The following ZNF471 variants were observed in gnomAD, a reference collection of about 807,000 sequenced individuals.
ZNF471 encodes zinc finger protein 471.
In ZNF471, 7 loss-of-function variants were observed where a neutral mutation model predicts 13.7. That is an observed-to-expected ratio of 0.51 (90% confidence interval 0.29 to 0.96). ZNF471 has a LOEUF of 0.96. Ranked by LOEUF, ZNF471 falls within the 40% of genes least tolerant of loss-of-function variation. ZNF471 has a pLI of 0.08. For missense variants in ZNF471, 663 were observed against 743.3 expected (o/e 0.89, Z 1.26); for synonymous variants, 218 against 235.6 (o/e 0.93, Z 0.68).
In ZNF471 at chr19:56,529,886, T is replaced by TAA. The variant is rs976475224; in HGVS notation, c.*3939_*3940insAA. ...GCCATTTTAGAGGGCAATGTGGTGT[T>TAA]ACCTGTCAGCATTTTGAATATAATT... On this transcript the variant is annotated 3_prime_UTR_variant, in exon 5 of 5. Transcript: ENST00000308031. The TAA allele has an allele frequency of 2.6e-5, 4 of 152,232 alleles. No homozygotes were observed. Among genetic ancestry groups the TAA allele is most frequent in the African/African-American group, 9.6e-5 (4 of 41,460 alleles). The allele number at this position is 152,232 out of a possible 1,614,324, so 9.4% of individuals were successfully genotyped here. A position where few individuals can be genotyped will look rare whatever the true frequency, so the allele number is the denominator to read the frequency against.
chr19:56,522,648 A>C lies in ZNF471; in HGVS notation c.257-1676A>C, dbSNP rs2043988851. Among the ~76,000 whole-genome samples the C allele has an allele frequency of 6.6e-6, 1 of 151,976 alleles. No individual in the cohort carries two copies. Among genetic ancestry groups the C allele is most frequent in the Non-Finnish European group, 1.5e-5 (1 of 68,010 alleles). On this transcript the variant is annotated intron_variant, in intron 4 of 4. Coordinates refer to ENST00000308031, the MANE Select transcript of ZNF471 (RefSeq NM_020813.4). This position sits in a 1 kb window ranked among gnomAD's most constrained non-coding sequence, Gnocchi z 4.1. ...CTCTCAGTATCATCTCTTCAATACA[A>C]ATTTCTTTATATTTTACTGATAACT...
chr19:56,526,701 G>C lies in ZNF471; in HGVS notation c.*753G>C, dbSNP rs2044053163. 1 of 152,244 alleles carries C rather than the reference G, an allele frequency of 6.6e-6. No homozygotes were observed. The highest frequency in any genetic ancestry group is 6.5e-5 in the Admixed American group (1 of 15,268). 9.4% of individuals were successfully genotyped at this position (152,244 alleles called of 1,614,324 possible). ...GCCAACCATTACCAAAGCTTGAATAGGTGGTTTTCCCCTCACAGCGTAAAC... is the reference window on the plus strand; with the variant it reads ...GCCAACCATTACCAAAGCTTGAATACGTGGTTTTCCCCTCACAGCGTAAAC... On this transcript the variant is annotated 3_prime_UTR_variant, in exon 5 of 5. Coordinates refer to ENST00000308031, the MANE Select transcript of ZNF471 (RefSeq NM_020813.4).
chr19:56,517,144 C>CTTT (rs145588906), intron 3 of ZNF471, among the ~76,000 whole-genome samples: 10 of 126,096 alleles, frequency 7.9e-5, no homozygotes, highest in Non-Finnish European at 9.9e-5. Context: ...CTCTCGCTCT[C>CTTT]TTTTTTTTTT....
rs995197940 is a variant in ZNF471, at chr19:56,508,118, C to A, written c.-56+198C>A. 1.0e-6 allele frequency: 1 copy of A among 985,198 alleles called. No individual in the cohort carries two copies. Among genetic ancestry groups the A allele is most frequent in the Non-Finnish European group, 1.2e-6 (1 of 829,922 alleles). The allele number at this position is 985,198 out of a possible 1,614,324, so 61.0% of individuals were successfully genotyped here. Reference sequence around the variant, plus strand: ...CCGCGGCTCGGGGCTGCTGGGCGTTCGGGGCGGCTTGGGGCGGCGGGACCA... The same window carrying A: ...CCGCGGCTCGGGGCTGCTGGGCGTTAGGGGCGGCTTGGGGCGGCGGGACCA... On this transcript the variant is annotated intron_variant, in intron 1 of 4. Coordinates refer to ENST00000308031, the MANE Select transcript of ZNF471 (RefSeq NM_020813.4). This position sits in a 1 kb window ranked among gnomAD's most constrained non-coding sequence, Gnocchi z 4.7.
intron 4 of ZNF471, among the ~76,000 whole-genome samples, chr19:56,518,993 A>G (rs1673052444): frequency 6.6e-6 from 1 of 152,158 alleles, no homozygotes; most frequent in Non-Finnish European, 1.5e-5. Flanking sequence ...CAGATAGGAA[A>G]AATCTAAACC....
In ZNF471 at chr19:56,516,398, C is replaced by T; in HGVS notation, c.157C>T (p.Leu53Phe). The change falls in exon 3 of 5, where the codon CTT becomes TTT. Residue 53 changes from leucine (L) to phenylalanine (F), a missense_variant. Leu to Phe is a conservative substitution (Grantham distance 22). Transcript: ENST00000308031. This position sits in a 1 kb window ranked among gnomAD's most constrained non-coding sequence, Gnocchi z 4.4. Reference protein sequence around the residue: ...MLENYQSLVSLGLCISKPYVI... With the variant: ...MLENYQSLVSFGLCISKPYVI... The stretch of plus-strand genomic sequence containing the variant: ...GGAGAACTATCAGAGCCTGGTATCA[C>T]TTGGTGAGGATCTTTTCCCTCCTGC... 6.2e-7 allele frequency: 1 copy of T among 1,612,188 alleles called. No individual in the cohort carries two copies.
chr19:56,519,234 G>A (rs897900126), intron 4 of ZNF471, among the ~76,000 whole-genome samples: 1 of 152,128 alleles, frequency 6.6e-6, no homozygotes. Flanking sequence ...GTCACAGGCA[G>A]TATCATTCTT....
At position 56,526,447 on chromosome 19, in the gene ZNF471, G is replaced by T. The variant is rs2044049371; in HGVS notation, c.*499G>T. On this transcript the variant is annotated 3_prime_UTR_variant, in exon 5 of 5. Coordinates refer to ENST00000308031, the MANE Select transcript of ZNF471 (RefSeq NM_020813.4). ...AAGCACAAAACTGGGCGGCCATTCG[G>T]GCAGACACCGAGCTAGCTGTAGGAG... 6.5e-6 allele frequency: 1 copy of T among 153,560 alleles called. No homozygotes were observed. The highest frequency in any genetic ancestry group is 1.4e-5 in the Non-Finnish European group (1 of 69,044). The allele number at this position is 153,560 out of a possible 1,614,324, so 9.5% of individuals were successfully genotyped here.
Position 56,510,201 on chromosome 19 carries a change from G to A in ZNF471, c.-55-1316G>A. Reference sequence around the variant, plus strand: ...ATGAGATAAAGCAGTTGGAATATGAGAGATCAGAGTGTGTTTGTGTATCTG... The same window carrying A: ...ATGAGATAAAGCAGTTGGAATATGAAAGATCAGAGTGTGTTTGTGTATCTG... On this transcript the variant is annotated intron_variant, in intron 1 of 4. Coordinates refer to ENST00000308031, the MANE Select transcript of ZNF471 (RefSeq NM_020813.4). The surrounding 1 kb of genome is among the most constrained non-coding windows in gnomAD (Gnocchi z 4.3). The A allele has an allele frequency of 1.0e-6, 1 of 985,478 alleles. No individual in the cohort carries two copies. Among genetic ancestry groups the A allele is most frequent in the East Asian group, 1.1e-4 (1 of 8,812 alleles). The allele number at this position is 985,478 out of a possible 1,614,324, so 61.0% of individuals were successfully genotyped here. A position where few individuals can be genotyped will look rare whatever the true frequency, so the allele number is the denominator to read the frequency against.
In ZNF471 at chr19:56,524,105, C is replaced by T. The variant is rs1257985414; in HGVS notation, c.257-219C>T. On this transcript the variant is annotated intron_variant, in intron 4 of 4. Transcript: ENST00000308031. The surrounding 1 kb of genome is among the most constrained non-coding windows in gnomAD (Gnocchi z 4.8). ...AAAGTGCTGGGATTATAGGCCTAAA[C>T]CACTACACCTAGCCCATTTCGCTTT... Among the ~76,000 whole-genome samples, 1 of 152,186 alleles carries T rather than the reference C, an allele frequency of 6.6e-6. No homozygotes were observed. Among genetic ancestry groups the T allele is most frequent in the African/African-American group, 2.4e-5 (1 of 41,444 alleles).
chr19:56,511,094 TG>T (rs140884272), intron 1 of ZNF471: 116,443 of 883,524 alleles, frequency 0.13, 2,918 homozygotes, highest in Middle Eastern at 0.14. Context: ...CTTTTTCTTT[TG>T]TTTTTTTTTT....
rs753630222 is a variant in ZNF471 at position 56,525,997 on chromosome 19, G to GTT, written c.*50_*51dup. 1.4e-3 allele frequency: 2,078 copies of GTT among 1,468,670 alleles called. 2 individuals carry two copies. The highest frequency in any genetic ancestry group is 1.8e-3 in the Non-Finnish European group (1,937 of 1,095,930). The allele number at this position is 1,468,670 out of a possible 1,614,324, so 91.0% of individuals were successfully genotyped here. A position where few individuals can be genotyped will look rare whatever the true frequency, so the allele number is the denominator to read the frequency against. ...CTTTAGTTATCACCAATCCCCTACT[G>GTT]TTAATCAGAGATGTCCCACTGGATA... is the stretch of plus-strand genomic sequence containing the variant. On this transcript the variant is annotated 3_prime_UTR_variant, in exon 5 of 5. Transcript: ENST00000308031.
chr19:56,511,271 TC>T (rs959319700), intron 1 of ZNF471, among the ~76,000 whole-genome samples: 10 of 151,724 alleles, frequency 6.6e-5, no homozygotes, highest in African/African-American at 2.4e-4. Flanking sequence ...AGTGAGATAA[TC>T]TAATCTATGC....
rs1320569890 is a variant in ZNF471 at position 56,524,422 on chromosome 19, T to C, written c.355T>C (p.Ser119Pro). ...AATTACTAGCTATGGACTTGAGTGT[T>C]CCACTTTTGAAGAAAATTGGAAATG... ...EGITSYGLEC[S>P]TFEENWKWED... is the part of the protein sequence containing the mutation. Residue 119 changes from serine to proline, a missense_variant, in exon 5 of 5, where the codon TCC becomes CCC. By Grantham distance (74) the Ser-to-Pro change is moderately conservative (BLOSUM62 -1). Coordinates refer to ENST00000308031, the MANE Select transcript of ZNF471 (RefSeq NM_020813.4). This position sits in a 1 kb window ranked among gnomAD's most constrained non-coding sequence, Gnocchi z 4.8. The C allele has an allele frequency of 6.2e-7, 1 of 1,613,754 alleles. No individual in the cohort carries two copies. Among genetic ancestry groups the C allele is most frequent in the Non-Finnish European group, 8.5e-7 (1 of 1,179,962 alleles).
intron 1 of ZNF471, among the ~76,000 whole-genome samples, chr19:56,509,115 CGGTAA>C (rs1332410927): frequency 6.6e-6 from 1 of 152,066 alleles, no homozygotes; most frequent in African/African-American, 2.4e-5. Flanking sequence ...AGGTTGATCA[CGGTAA>C]GGGATGGTCA....
chr19:56,517,475 T>G (rs1377822270), intron 3 of ZNF471, among the ~76,000 whole-genome samples: 2 of 152,028 alleles, frequency 1.3e-5, no homozygotes, highest in Admixed American at 1.3e-4. Context: ...GCTAATTTTT[T>G]TGTATTTTTT....
chr19:56,520,384 A>T (rs10423617), intron 4 of ZNF471, among the ~76,000 whole-genome samples: 21,823 of 152,222 alleles, frequency 0.14, 1,785 homozygotes, highest in Middle Eastern at 0.21. Context: ...CATGTGACAA[A>T]AAAGTAAAAT....
Position 56,525,304 on chromosome 19 carries a change from A to G in ZNF471, c.1237A>G (p.Ser413Gly). Residue 413 changes from serine (S) to glycine (G), a missense_variant, in exon 5 of 5, where the codon AGC becomes GGC. Physicochemically the swap from Ser to Gly is moderately conservative, Grantham distance 56. Coordinates refer to ENST00000308031, the MANE Select transcript of ZNF471 (RefSeq NM_020813.4). Reference sequence around the variant, plus strand: ...ATGTGGTGTGTGTGGAAAAACCTTCAGCTCGGGTTCATCCCGTACTGTACA... The same window carrying G: ...ATGTGGTGTGTGTGGAAAAACCTTCGGCTCGGGTTCATCCCGTACTGTACA... ...YKCGVCGKTF[S>G]SGSSRTVHQR... 2 of 1,611,890 alleles carry G rather than the reference A, an allele frequency of 1.2e-6. No individual in the cohort carries two copies. Among genetic ancestry groups the G allele is most frequent in the Non-Finnish European group, 1.7e-6 (2 of 1,178,484 alleles).
intron 4 of ZNF471, among the ~76,000 whole-genome samples, chr19:56,520,686 C>T (rs926015631): frequency 6.6e-6 from 1 of 152,158 alleles, no homozygotes; most frequent in Admixed American, 6.5e-5. Context: ...AGCTTCCTTG[C>T]CCCTTCCACT....
Sources: allele counts gnomAD v4.1 joint callset (sites outside exome capture counted in the v4.1 genomes callset), GRCh38; gene constraint gnomAD v4.1.1; non-coding constraint Gnocchi (gnomAD v3.1); transcripts MANE v1.5; gene names NCBI Gene and HGNC (gene_info 2026-07-23, HGNC 2026-07-21).